The following MTRES1 variants were observed in gnomAD, a reference collection of about 807,000 sequenced individuals.
The protein encoded by MTRES1 is mitochondrial transcription rescue factor 1, also known as uncharacterized protein C6orf203.
MTRES1 carries 11 observed loss-of-function variants against 17.4 expected under a neutral mutation model. The ratio of observed to expected loss-of-function variants is 0.63; its 90% CI spans 0.40 to 1.05. The LOEUF (loss-of-function observed/expected upper bound fraction) is 1.05. Among genes scored for constraint, MTRES1 ranks in the 50% least tolerant of loss-of-function variants. The pLI is 0.00. For synonymous variants in MTRES1, 94 were observed against 99.6 expected, an observed-to-expected ratio of 0.94 and a Z score of 0.34; for missense variants, 268 against 276.2, an observed-to-expected ratio of 0.97 and a Z score of 0.21.
chr6:107,040,023 T>G lies in MTRES1; in HGVS notation c.263T>G (p.Ile88Arg). Residue 88 changes from isoleucine to arginine, a missense_variant, in exon 2 of 4, where the codon ATA (isoleucine) becomes AGA (arginine). Ile to Arg is a moderately conservative substitution (Grantham distance 97). Coordinates refer to ENST00000311381, the MANE Select transcript of MTRES1 (RefSeq NM_016487.5). The part of the protein sequence containing the change: ...FPFSVRLKSN[I>R]RSTKSTKKSL... Reference sequence around the variant, plus strand: ...TTTTCCGTAAGACTCAAAAGTAATATAAGGTCTACAAAATCTACTAAAAAG... The same window carrying G: ...TTTTCCGTAAGACTCAAAAGTAATAGAAGGTCTACAAAATCTACTAAAAAG... The G allele has an allele frequency of 6.2e-7, 1 of 1,613,412 alleles. No homozygotes were observed. The highest frequency in any genetic ancestry group is 1.6e-4 in the Middle Eastern group (1 of 6,062).
In MTRES1 at chr6:107,040,133, G is replaced by T. The variant is rs1251011072; in HGVS notation, c.373G>T (p.Asp125Tyr). The change falls in exon 2 of 4, where the codon GAT (aspartate) becomes TAT (tyrosine). Residue 125 changes from aspartate (D) to tyrosine (Y), a missense_variant. Asp to Tyr is a radical substitution (Grantham distance 160). Coordinates refer to ENST00000311381, the MANE Select transcript of MTRES1 (RefSeq NM_016487.5). Reference sequence around the variant, plus strand: ...TGAGCAGGAAGAGGAGCTTGAGGATGATCCTACTGTAGTCAAAAACTATAA... The same window carrying T: ...TGAGCAGGAAGAGGAGCTTGAGGATTATCCTACTGTAGTCAAAAACTATAA... Reference protein sequence around the residue: ...MSEQEEELEDDPTVVKNYKDL... With the variant: ...MSEQEEELEDYPTVVKNYKDL... 41 of 1,613,624 alleles carry T rather than the reference G, an allele frequency of 2.5e-5. No individual in the cohort carries two copies. Among genetic ancestry groups the T allele is most frequent in the Non-Finnish European group, 3.4e-5 (40 of 1,180,002 alleles).
At position 107,036,356 on chromosome 6, in the gene MTRES1, C is replaced by A. The variant is rs1774006636; in HGVS notation, c.-12-3393C>A. ...GTCAGGAGTTCCAGACGAGCCTGACCAATATGGAGAAACCCCATCTCTACT... is the reference window on the plus strand; with the variant it reads ...GTCAGGAGTTCCAGACGAGCCTGACAAATATGGAGAAACCCCATCTCTACT... On this transcript the variant is annotated intron_variant, in intron 1 of 3. Transcript: ENST00000311381. Among the ~76,000 whole-genome samples, 3 of 151,670 alleles carry A rather than the reference C, an allele frequency of 2.0e-5. No homozygotes were observed. The South Asian group carries it at 6.3e-4, about 32-fold the overall frequency.
intron 3 of MTRES1, 114 bp downstream of exon 3, chr6:107,044,446 T>C (rs1774325290): frequency 1.3e-6 from 1 of 771,368 alleles, no homozygotes; most frequent in Non-Finnish European, 2.2e-6. Context: ...TCTGAGGTCC[T>C]TTGTGGTCCT....
intron 1 of MTRES1, among the ~76,000 whole-genome samples, chr6:107,035,441 C>T (rs1773977206): frequency 6.6e-6 from 1 of 151,882 alleles, no homozygotes; most frequent in South Asian, 2.1e-4. Context: ...TGAATAATGA[C>T]TCTAGGACTT....
intron 3 of MTRES1, among the ~76,000 whole-genome samples, chr6:107,048,998 A>G (rs1774496456): frequency 1.3e-5 from 2 of 151,876 alleles, no homozygotes; most frequent in African/African-American, 4.8e-5. Context: ...ATATCCAGCT[A>G]TTGTGGGTTT....
chr6:107,040,098 A>G lies in MTRES1; in HGVS notation c.338A>G (p.Asp113Gly), dbSNP rs1554227475. The change falls in exon 2 of 4, where the codon GAT (aspartate) becomes GGT (glycine). Residue 113 changes from aspartate to glycine, a missense_variant. Transcript: ENST00000311381. ...EEDSDEESHH[D>G]EMSEQEEELE... ...GACTCTGATGAAGAAAGCCATCATG[A>G]TGAGATGAGTGAGCAGGAAGAGGAG... 3 of 1,613,926 alleles carry G rather than the reference A, an allele frequency of 1.9e-6. No homozygotes were observed. The highest frequency in any genetic ancestry group is 3.3e-5 in the Admixed American group (2 of 60,008).
chr6:107,043,061 G>A (rs1774270910), intron 2 of MTRES1, among the ~76,000 whole-genome samples: 1 of 152,164 alleles, frequency 6.6e-6, no homozygotes, highest in Non-Finnish European at 1.5e-5. Context: ...GCCGGGTGCG[G>A]TGGCTCACGC....
chr6:107,043,251 G>A (rs1024177602), intron 2 of MTRES1, among the ~76,000 whole-genome samples: 45 of 151,950 alleles, frequency 3.0e-4, no homozygotes, highest in Middle Eastern at 6.8e-3. Flanking sequence ...GGAGAATGGC[G>A]TGAACTTGGG....
intron 1 of MTRES1, among the ~76,000 whole-genome samples, chr6:107,037,614 C>T (rs375092628): frequency 3.0e-3 from 463 of 152,308 alleles, no homozygotes; most frequent in African/African-American, 0.011. Context: ...TTCTCTATTA[C>T]GCTAGAATAT....
chr6:107,031,642 C>G (rs1206628079), intron 1 of MTRES1, among the ~76,000 whole-genome samples: 2 of 150,970 alleles, frequency 1.3e-5, no homozygotes, highest in African/African-American at 4.9e-5. Context: ...CTCTTGTTGT[C>G]CAGGCTGGAG....
chr6:107,043,906 AT>A (rs1354773791), intron 2 of MTRES1, among the ~76,000 whole-genome samples: 1 of 152,246 alleles, frequency 6.6e-6, no homozygotes, highest in Non-Finnish European at 1.5e-5. Flanking sequence ...AGGCGGGCGG[AT>A]CACGAGGTCA....
At chr6:107,045,532 G>A (rs311248) in intron 3 of MTRES1, among the ~76,000 whole-genome samples, 142,199 of 151,918 alleles carry the variant, frequency 0.94, 66,879 homozygotes, top group East Asian at 1. Flanking sequence ...GTAAAAGTAA[G>A]TTACGTATAT....
In MTRES1 at chr6:107,040,011, T is replaced by C. The variant is rs1774144037; in HGVS notation, c.251T>C (p.Leu84Pro). ...TGTATTTTTCCTTTTTCCGTAAGACTCAAAAGTAATATAAGGTCTACAAAA... is the reference window on the plus strand; with the variant it reads ...TGTATTTTTCCTTTTTCCGTAAGACCCAAAAGTAATATAAGGTCTACAAAA... ...PECIFPFSVR[L>P]KSNIRSTKST... Residue 84 changes from leucine (L) to proline (P), a missense_variant, in exon 2 of 4, where the codon CTC (leucine) becomes CCC (proline). Leu to Pro is a moderately conservative substitution (Grantham distance 98, BLOSUM62 -3). Transcript: ENST00000311381. 7 of 1,613,494 alleles carry C rather than the reference T, an allele frequency of 4.3e-6. No homozygotes were observed. In the East Asian group the frequency reaches 1.6e-4, roughly 36 times the overall value.
intron 1 of MTRES1, among the ~76,000 whole-genome samples, chr6:107,032,191 T>C (rs1461204680): frequency 6.6e-6 from 1 of 152,118 alleles, no homozygotes. Flanking sequence ...TGCTTGCTTT[T>C]GAATGAGACA....
rs1774152511 is a variant in MTRES1 at position 107,040,161 on chromosome 6, A to T, written c.401A>T (p.Asp134Val). ...CCTACTGTAGTCAAAAACTATAAAGACCTGGAAAAAGCAGTTCAGTCTTTT... is the reference window on the plus strand; with the variant it reads ...CCTACTGTAGTCAAAAACTATAAAGTCCTGGAAAAAGCAGTTCAGTCTTTT... ...DDPTVVKNYK[D>V]LEKAVQSFRY... The change falls in exon 2 of 4, where the codon GAC becomes GTC. Residue 134 changes from aspartate to valine, a missense_variant. Coordinates refer to ENST00000311381, the MANE Select transcript of MTRES1 (RefSeq NM_016487.5). 6.2e-7 allele frequency: 1 copy of T among 1,612,464 alleles called. No homozygotes were observed. The highest frequency in any genetic ancestry group is 1.7e-5 in the Admixed American group (1 of 59,650).
At chr6:107,031,710 C>T (rs950148426) in intron 1 of MTRES1, among the ~76,000 whole-genome samples, 24 of 152,018 alleles carry the variant, frequency 1.6e-4, no homozygotes, top group African/African-American at 5.8e-4. Flanking sequence ...AAGCGGTTCT[C>T]GTGCCTCATC....
chr6:107,041,548 C>G (rs926867727), intron 2 of MTRES1, among the ~76,000 whole-genome samples: 1 of 151,816 alleles, frequency 6.6e-6, no homozygotes, highest in Non-Finnish European at 1.5e-5. Flanking sequence ...TTTTTTGAGA[C>G]GGAGTCTTGC....
chr6:107,029,015 T>C (rs879978725), intron 1 of MTRES1: 16 of 237,542 alleles, frequency 6.7e-5, no homozygotes, highest in Non-Finnish European at 8.1e-5. Flanking sequence ...CACAGGGTGT[T>C]GTTTTGTTTT....
intron 1 of MTRES1, among the ~76,000 whole-genome samples, chr6:107,034,361 A>G (rs1562276405): frequency 6.6e-6 from 1 of 152,088 alleles, no homozygotes; most frequent in Non-Finnish European, 1.5e-5. Flanking sequence ...TCCTCTTAGG[A>G]TATTTTCTAA....
Sources: allele counts gnomAD v4.1 joint callset (sites outside exome capture counted in the v4.1 genomes callset), GRCh38; gene constraint gnomAD v4.1.1; transcripts MANE v1.5; gene names NCBI Gene and HGNC (gene_info 2026-07-23, HGNC 2026-07-21).